Variants in OXR1 observed in about 807,000 individuals in gnomAD.
The protein encoded by OXR1 is oxidation resistance protein 1.
Under a neutral mutation model 104.6 loss-of-function variants are expected in OXR1, and 41 were observed. The ratio of observed to expected loss-of-function variants is 0.39; its 90% confidence interval spans 0.31 to 0.51. The LOEUF (loss-of-function observed/expected upper bound fraction) is 0.51. Among genes scored for constraint, OXR1 ranks in the 20% least tolerant of loss-of-function variants. The pLI is 0.77. For synonymous variants in OXR1, 348 were observed against 348.4 expected (o/e 1.00, Z 0.01); for missense variants, 955 against 1,031.9 (o/e 0.93, Z 1.02).
intron 7 of OXR1, among the ~76,000 whole-genome samples, chr8:106,699,245 T>C (rs1265632886): frequency 6.6e-6 from 1 of 152,208 alleles, no homozygotes; most frequent in Non-Finnish European, 1.5e-5. Flanking sequence ...ATTCTTCTGC[T>C]CCTTTCAAGT....
At chr8:106,380,539 C>A (rs1163574170) in intron 2 of OXR1, among the ~76,000 whole-genome samples, 1 of 152,192 alleles carries the variant, frequency 6.6e-6, no homozygotes, top group Non-Finnish European at 1.5e-5. Flanking sequence ...TTTTGAGGAA[C>A]TTCCAATCTA....
intron 3 of OXR1, among the ~76,000 whole-genome samples, chr8:106,632,846 G>C (rs1023324817): frequency 1.1e-4 from 17 of 152,166 alleles, no homozygotes; most frequent in Non-Finnish European, 2.2e-4. Context: ...GGCTGAGGTG[G>C]GAGGCTCACT....
In OXR1 at chr8:106,692,971, C is replaced by G. The variant is rs1242363549; in HGVS notation, c.675+94C>G. 6.9e-6 allele frequency: 6 copies of G among 864,786 alleles called. No homozygotes were observed. In the East Asian group the frequency reaches 1.6e-4, roughly 23 times the overall value. The allele number at this position is 864,786 out of a possible 1,614,324, so 53.6% of individuals were successfully genotyped here. ...CATTTACATTTTAAGTCATCAATGT[C>G]AGAAAATGCTTGAATATTATAGAAA... On this transcript the variant is annotated intron_variant, in intron 7 of 16. Coordinates refer to ENST00000517566, the MANE Select transcript of OXR1 (RefSeq NM_001198533.2).
At chr8:106,296,259 G>A (rs1812990481) in intron 1 of OXR1, among the ~76,000 whole-genome samples, 1 of 152,094 alleles carries the variant, frequency 6.6e-6, no homozygotes, top group Non-Finnish European at 1.5e-5. Flanking sequence ...TTAGCTACAG[G>A]TGAGTTCTCC....
intron 2 of OXR1, among the ~76,000 whole-genome samples, chr8:106,438,269 A>C (rs911304410): frequency 3.0e-4 from 45 of 152,232 alleles, no homozygotes; most frequent in African/African-American, 1.1e-3. Context: ...TGGGAAGCCC[A>C]CCACAAACCA....
intron 6 of OXR1, among the ~76,000 whole-genome samples, chr8:106,692,143 G>T (rs1046596919): frequency 6.6e-6 from 1 of 151,744 alleles, no homozygotes; most frequent in African/African-American, 2.4e-5. Flanking sequence ...TGAGAAGCTG[G>T]TTCATAGGCT....
chr8:106,699,624 A>G (rs1830410828), intron 7 of OXR1, among the ~76,000 whole-genome samples: 1 of 152,202 alleles, frequency 6.6e-6, no homozygotes, highest in Middle Eastern at 3.2e-3. Context: ...GCAGAAGTTC[A>G]TTTGATATCT....
At chr8:106,509,702 G>T (rs1812395650) in intron 2 of OXR1, among the ~76,000 whole-genome samples, 1 of 152,110 alleles carries the variant, frequency 6.6e-6, no homozygotes, top group Non-Finnish European at 1.5e-5. Flanking sequence ...AAAAATTGAG[G>T]TATTATTTGG....
intron 1 of OXR1, among the ~76,000 whole-genome samples, chr8:106,339,492 CAAAAAAAAAAAA>C (rs562959605): frequency 1.3e-4 from 1 of 7,572 alleles, no homozygotes; most frequent in Non-Finnish European, 1.9e-4. Context: ...AGACTCCATC[CAAAAAAAAAAAA>C]AAAAAAAAAA....
At chr8:106,611,231 A>G (rs1820789980) in intron 3 of OXR1, among the ~76,000 whole-genome samples, 1 of 152,186 alleles carries the variant, frequency 6.6e-6, no homozygotes, top group African/African-American at 2.4e-5. Context: ...GAGCATTCTA[A>G]GAAAAGAGAA....
intron 6 of OXR1, among the ~76,000 whole-genome samples, chr8:106,687,713 C>CAAA (rs59561453): frequency 7.9e-6 from 1 of 127,008 alleles, no homozygotes. Context: ...GACTCTGTCT[C>CAAA]AAAAAAAAAA....
intron 1 of OXR1, among the ~76,000 whole-genome samples, chr8:106,328,725 G>A (rs1486852988): frequency 6.6e-6 from 1 of 152,120 alleles, no homozygotes; most frequent in Non-Finnish European, 1.5e-5. Context: ...CCTTGAGCAG[G>A]AATAGTAACA....
At chr8:106,693,211 C>G (rs1829488884) in intron 7 of OXR1, among the ~76,000 whole-genome samples, 1 of 151,872 alleles carries the variant, frequency 6.6e-6, no homozygotes, top group Admixed American at 6.6e-5. Context: ...GTATAGCACA[C>G]AAATAGGAAG....
chr8:106,699,548 A>C (rs1162543539), intron 7 of OXR1, among the ~76,000 whole-genome samples: 3 of 152,114 alleles, frequency 2.0e-5, no homozygotes, highest in Non-Finnish European at 2.9e-5. Context: ...TGTTCGTGTA[A>C]GTTTGGTGTG....
At chr8:106,704,867 GAAAGA>G in intron 8 of OXR1, among the ~76,000 whole-genome samples, 1 of 152,114 alleles carries the variant, frequency 6.6e-6, no homozygotes, top group East Asian at 1.9e-4. Context: ...TATTTCTTCA[GAAAGA>G]AATATCTTTA....
At chr8:106,443,222 T>A (rs185343167) in intron 2 of OXR1, among the ~76,000 whole-genome samples, 161 of 152,292 alleles carry the variant, frequency 1.1e-3, no homozygotes, top group Non-Finnish European at 1.9e-3. Flanking sequence ...TTTGAGTGAG[T>A]TTCTTAATCC....
At chr8:106,555,931 C>CAT (rs59310978) in intron 3 of OXR1, among the ~76,000 whole-genome samples, 83 of 145,914 alleles carry the variant, frequency 5.7e-4, no homozygotes, top group Non-Finnish European at 1.0e-3. Context: ...TATATATGTA[C>CAT]ATATATATAT....
intron 2 of OXR1, among the ~76,000 whole-genome samples, chr8:106,457,808 AAAG>A (rs1030338789): frequency 6.6e-6 from 1 of 152,210 alleles, no homozygotes; most frequent in Admixed American, 6.6e-5. Context: ...ACAAAATGGC[AAAG>A]AAGTTGGCTG....
intron 1 of OXR1, among the ~76,000 whole-genome samples, chr8:106,284,168 T>C (rs1031488605): frequency 6.6e-6 from 1 of 151,994 alleles, no homozygotes; most frequent in African/African-American, 2.4e-5. Context: ...TCAGTTAGAC[T>C]ACCTGGAAGG....
Sources: allele counts gnomAD v4.1 joint callset (sites outside exome capture counted in the v4.1 genomes callset), GRCh38; gene constraint gnomAD v4.1.1; transcripts MANE v1.5; gene names NCBI Gene and HGNC (gene_info 2026-07-23, HGNC 2026-07-21).